CHN2: variants seen among roughly 807,000 people sequenced by gnomAD.
CHN2 encodes chimerin 2.
Under a neutral mutation model 56.3 loss-of-function variants are expected in CHN2, and 35 were observed. The observed-to-expected ratio is 0.62, with a 90% CI of 0.47 to 0.82. The LOEUF is 0.82. Ranked by LOEUF, CHN2 falls within the 40% of genes least tolerant of loss-of-function variation. CHN2 has a pLI of 0.00. For missense variants in CHN2, 491 were observed against 580.5 expected (o/e 0.85, Z 1.58); for synonymous variants, 210 against 212.8 (o/e 0.99, Z 0.12).
intron 1 of CHN2, among the ~76,000 whole-genome samples, chr7:29,327,817 TTTAAAG>T (rs1795928755): frequency 6.6e-6 from 1 of 152,230 alleles, no homozygotes; most frequent in African/African-American, 2.4e-5. Context: ...AATCGTAAAG[TTTAAAG>T]TTAATTTAAC....
chr7:29,440,686 A>AAG (rs2128123372), intron 6 of CHN2, among the ~76,000 whole-genome samples: 1 of 92,578 alleles, frequency 1.1e-5, no homozygotes, highest in East Asian at 2.3e-4. Context: ...CTCCGTCTCA[A>AAG]AAAAAAAAAA....
intron 1 of CHN2, among the ~76,000 whole-genome samples, chr7:29,252,574 C>CT (rs150230689): frequency 5.2e-5 from 1 of 19,284 alleles, no homozygotes. Context: ...AAATTGCATT[C>CT]TTTGTTTTTT....
intron 6 of CHN2, 59 bp from the exon 7 acceptor site, chr7:29,480,220 A>T: frequency 6.2e-7 from 1 of 1,614,076 alleles, no homozygotes; most frequent in Non-Finnish European, 8.5e-7. Context: ...TTCGGGGTGA[A>T]GGTGGGTGTC....
At chr7:29,291,925 C>G (rs537292459) in intron 1 of CHN2, among the ~76,000 whole-genome samples, 1 of 152,044 alleles carries the variant, frequency 6.6e-6, no homozygotes, top group African/African-American at 2.4e-5. Context: ...CCTTTACTCT[C>G]GGAAGTTTTG....
In CHN2 at chr7:29,400,821, T is replaced by A; in HGVS notation, c.569T>A (p.Val190Glu). 2 of 1,613,074 alleles carry A rather than the reference T, an allele frequency of 1.2e-6. No individual in the cohort carries two copies. The highest frequency in any genetic ancestry group is 2.7e-5 in the African/African-American group (2 of 74,874). ...TNVTHEEHTAVEKISSLVRRA... is the reference protein window; with the variant it reads ...TNVTHEEHTAEEKISSLVRRA... ...GTCACACATGAAGAACACACAGCGG[T>A]GGAAAAGGTGAGCTGTGTGTGATGG... Residue 190 changes from valine (V) to glutamate (E), a missense_variant, in exon 6 of 13, where the codon GTG (valine) becomes GAG (glutamate). Coordinates refer to ENST00000222792, the MANE Select transcript of CHN2 (RefSeq NM_004067.4).
At chr7:29,240,301 T>C (rs980964718) in intron 1 of CHN2, among the ~76,000 whole-genome samples, 2 of 152,158 alleles carry the variant, frequency 1.3e-5, no homozygotes, top group African/African-American at 2.4e-5. Context: ...TGGTCCCCTT[T>C]CCCCTTCACC....
chr7:29,263,003 T>TTCTCCCC (rs940394104), intron 1 of CHN2, among the ~76,000 whole-genome samples: 2 of 152,148 alleles, frequency 1.3e-5, no homozygotes, highest in African/African-American at 2.4e-5. Flanking sequence ...TAAGAATCCC[T>TTCTCCCC]TCTCCCCTCT....
chr7:29,163,034 TAATG>T (rs1380285746), intron 2 of CHN2, among the ~76,000 whole-genome samples: 1 of 152,254 alleles, frequency 6.6e-6, no homozygotes, highest in African/African-American at 2.4e-5. Flanking sequence ...CTTGTTTTGA[TAATG>T]AACTATAGTT....
At chr7:29,199,737 G>A (rs1008949223) in intron 1 of CHN2, 4 of 152,182 alleles carry the variant, frequency 2.6e-5, no homozygotes, top group Admixed American at 6.5e-5. Flanking sequence ...GAGGTAAGGA[G>A]ATTTTTCTTA....
At chr7:29,335,492 C>G (rs1044714073) in intron 1 of CHN2, among the ~76,000 whole-genome samples, 2 of 152,228 alleles carry the variant, frequency 1.3e-5, no homozygotes, top group African/African-American at 4.8e-5. Flanking sequence ...GATAAAGGAC[C>G]TTTCAGTATG....
chr7:29,380,092 A>G (rs1800372867), intron 3 of CHN2, among the ~76,000 whole-genome samples: 2 of 152,236 alleles, frequency 1.3e-5, no homozygotes, highest in African/African-American at 4.8e-5. Flanking sequence ...ATCCCTGGGC[A>G]GGACTGTGGG....
At chr7:29,221,734 C>T (rs558424974) in intron 1 of CHN2, among the ~76,000 whole-genome samples, 1 of 152,118 alleles carries the variant, frequency 6.6e-6, no homozygotes, top group East Asian at 1.9e-4. Context: ...TTCCTGCATT[C>T]GTTTGCTGAG....
intron 6 of CHN2, among the ~76,000 whole-genome samples, chr7:29,472,570 A>C (rs750466607): frequency 1.6e-4 from 25 of 152,180 alleles, no homozygotes; most frequent in Non-Finnish European, 2.5e-4. Context: ...TGTTCAGGGA[A>C]TGAGCCAATG....
chr7:29,273,119 C>G (rs1356211852), intron 1 of CHN2, among the ~76,000 whole-genome samples: 1 of 151,722 alleles, frequency 6.6e-6, no homozygotes, highest in Non-Finnish European at 1.5e-5. Context: ...CTCTCCCCCA[C>G]CCTTTACCGC....
chr7:29,297,655 G>A (rs1259681649), intron 1 of CHN2, among the ~76,000 whole-genome samples: 3 of 151,946 alleles, frequency 2.0e-5, no homozygotes, highest in Non-Finnish European at 4.4e-5. Context: ...CCAAAAGCCC[G>A]GCTGGTACAA....
At chr7:29,423,508 C>T (rs1804548336) in intron 6 of CHN2, among the ~76,000 whole-genome samples, 2 of 152,262 alleles carry the variant, frequency 1.3e-5, no homozygotes, top group Non-Finnish European at 2.9e-5. Flanking sequence ...ATACCTCCCC[C>T]TGCCCAATCT....
chr7:29,269,623 T>C (rs1584923345), intron 1 of CHN2, among the ~76,000 whole-genome samples: 1 of 152,332 alleles, frequency 6.6e-6, no homozygotes, highest in East Asian at 1.9e-4. Flanking sequence ...TTGAGGAAAC[T>C]TCATGCTGTT....
chr7:29,184,084 G>C (rs1798402336), intron 2 of CHN2, among the ~76,000 whole-genome samples: 1 of 151,770 alleles, frequency 6.6e-6, no homozygotes, highest in South Asian at 2.1e-4. Flanking sequence ...ATATCTGAGT[G>C]GGGGTTCTGG....
chr7:29,499,146 C>T (rs1184288236), intron 8 of CHN2, among the ~76,000 whole-genome samples: 1 of 152,170 alleles, frequency 6.6e-6, no homozygotes, highest in African/African-American at 2.4e-5. Flanking sequence ...ACTTTAAAAG[C>T]ACCCTTTTCA....
Sources: gnomAD v4.1 joint callset for allele counts (sites outside exome capture counted in the v4.1 genomes callset) on GRCh38, gnomAD v4.1.1 for gene constraint, MANE v1.5 for transcripts, NCBI Gene and HGNC (gene_info 2026-07-23, HGNC 2026-07-21) for gene names.